The following ATP8A2 variants were observed in gnomAD, a reference collection of about 807,000 sequenced individuals.
The protein encoded by ATP8A2 is phospholipid-transporting ATPase IB.
A neutral mutation model predicts 165.6 loss-of-function variants in ATP8A2; 100 were observed. The ratio of observed to expected loss-of-function variants is 0.60; its 90% CI spans 0.51 to 0.71. The LOEUF (loss-of-function observed/expected upper bound fraction) is 0.71. Ranked by LOEUF, ATP8A2 falls within the 30% of genes least tolerant of loss-of-function variation. The pLI, the probability that ATP8A2 is intolerant of heterozygous loss-of-function variation, is 0.00. For missense variants in ATP8A2, 1,227 were observed against 1,479.5 expected, an observed-to-expected ratio of 0.83 and a Z score of 2.80; for synonymous variants, 543 against 548.8, an observed-to-expected ratio of 0.99 and a Z score of 0.15.
At chr13:25,807,043 T>A (rs1291472524) in intron 27 of ATP8A2, among the ~76,000 whole-genome samples, 1 of 152,170 alleles carries the variant, frequency 6.6e-6, no homozygotes, top group Non-Finnish European at 1.5e-5. Flanking sequence ...ATTGTTGGAC[T>A]ATAAGTGTTC....
chr13:25,699,769 G>A (rs1055785529), intron 25 of ATP8A2, among the ~76,000 whole-genome samples: 2 of 152,022 alleles, frequency 1.3e-5, no homozygotes, highest in Non-Finnish European at 2.9e-5. Context: ...AGCTTTGGTC[G>A]GGTTCATGTG....
rs781712899 is a variant in ATP8A2, at chr13:25,860,258, T to A, written c.3018+2T>A. On this transcript the variant is annotated splice_donor_variant, in intron 31 of 36. Transcript: ENST00000381655. LOFTEE classifies it high-confidence loss of function. ...TTTGTTGGAAATATTGTTTACACAG[T>A]AAGTTTATCTCTGTTTATTAAGCCA... is the stretch of plus-strand genomic sequence containing the variant. 6.2e-7 allele frequency: 1 copy of A among 1,601,754 alleles called. No individual in the cohort carries two copies. Among genetic ancestry groups the A allele is most frequent in the South Asian group, 1.1e-5 (1 of 90,492 alleles).
chr13:25,740,878 G>A (rs964708591), intron 25 of ATP8A2, among the ~76,000 whole-genome samples: 1 of 152,126 alleles, frequency 6.6e-6, no homozygotes, highest in Non-Finnish European at 1.5e-5. Flanking sequence ...GAGACCTTTA[G>A]CGTGTTATCT....
Position 25,502,354 on chromosome 13 carries a change from C to T in ATP8A2, c.222-27645C>T, listed in dbSNP as rs115687543. Reference sequence around the variant, plus strand: ...ATTCAGATAAATCCTCATTGAGCCTCATTATAACCTCATCATCATGTCATT... The same window carrying T: ...ATTCAGATAAATCCTCATTGAGCCTTATTATAACCTCATCATCATGTCATT... On this transcript the variant is annotated intron_variant, in intron 2 of 36. Coordinates refer to ENST00000381655, the MANE Select transcript of ATP8A2 (RefSeq NM_016529.6). 4.7e-3 allele frequency among the ~76,000 whole-genome samples: 710 copies of T among 152,316 alleles called. 6 individuals are homozygous for T. Among genetic ancestry groups the T allele is most frequent in the African/African-American group, 0.016 (684 of 41,568 alleles).
At chr13:25,642,891 G>C (rs971569451) in intron 24 of ATP8A2, among the ~76,000 whole-genome samples, 1 of 152,132 alleles carries the variant, frequency 6.6e-6, no homozygotes, top group Non-Finnish European at 1.5e-5. Context: ...CCATAAAAAA[G>C]GGTGAGTTCA....
chr13:25,638,836 A>T (rs2041438683), intron 24 of ATP8A2, among the ~76,000 whole-genome samples: 1 of 152,126 alleles, frequency 6.6e-6, no homozygotes, highest in Non-Finnish European at 1.5e-5. Context: ...GAAGGAAAAA[A>T]TGTTAAGGGC....
intron 33 of ATP8A2, among the ~76,000 whole-genome samples, chr13:25,918,485 C>A (rs1310794164): frequency 6.6e-6 from 1 of 152,168 alleles, no homozygotes; most frequent in African/African-American, 2.4e-5. Context: ...ATATTAACAT[C>A]CAACAGTGAA....
At chr13:25,405,917 A>G (rs2138039254) in intron 1 of ATP8A2, among the ~76,000 whole-genome samples, 1 of 152,230 alleles carries the variant, frequency 6.6e-6, no homozygotes. Flanking sequence ...TCTCCCACTC[A>G]TGTCTTCTCT....
chr13:25,723,880 T>C (rs777336121), intron 25 of ATP8A2, among the ~76,000 whole-genome samples: 4 of 151,708 alleles, frequency 2.6e-5, no homozygotes, highest in Non-Finnish European at 5.9e-5. Context: ...TAAATCTGGG[T>C]GGAGAGAACA....
Position 25,750,687 on chromosome 13 carries a change from T to C in ATP8A2, c.2385-18359T>C, listed in dbSNP as rs2044135164. Reference sequence around the variant, plus strand: ...GGGCCCTGTCGGCAGGTACCTCATATGTGTAGTTTTGGCATCGAGTTTATA... The same window carrying C: ...GGGCCCTGTCGGCAGGTACCTCATACGTGTAGTTTTGGCATCGAGTTTATA... On this transcript the variant is annotated intron_variant, in intron 25 of 36. Coordinates refer to ENST00000381655, the MANE Select transcript of ATP8A2 (RefSeq NM_016529.6). This position sits in a 1 kb window ranked among gnomAD's most constrained non-coding sequence, Gnocchi z 4.3. Among the ~76,000 whole-genome samples the C allele has an allele frequency of 1.3e-5, 2 of 152,096 alleles. No individual in the cohort carries two copies. Among genetic ancestry groups the C allele is most frequent in the African/African-American group, 4.8e-5 (2 of 41,402 alleles).
At chr13:25,905,004 G>A (rs1383467513) in intron 33 of ATP8A2, among the ~76,000 whole-genome samples, 1 of 152,216 alleles carries the variant, frequency 6.6e-6, no homozygotes, top group Non-Finnish European at 1.5e-5. Flanking sequence ...GCGCATGGCT[G>A]TAAGCATGTG....
intron 25 of ATP8A2, among the ~76,000 whole-genome samples, chr13:25,762,764 T>C (rs1282061013): frequency 2.6e-5 from 4 of 152,338 alleles, no homozygotes; most frequent in South Asian, 4.1e-4. Context: ...AAAGATGTCA[T>C]CTCTGTCCTT....
chr13:25,802,098 T>C (rs1566152883), intron 27 of ATP8A2, among the ~76,000 whole-genome samples: 1 of 152,210 alleles, frequency 6.6e-6, no homozygotes, highest in African/African-American at 2.4e-5. Flanking sequence ...CCATATCACA[T>C]GGTAACCTAC....
rs78104913 is a variant in ATP8A2 at position 26,006,709 on chromosome 13, A to T, written c.3378-5822A>T. ...CCTTATATCTTTAGCATTTTCCACA[A>T]TAAAAATATCATGAAAGAGTACTGA... On this transcript the variant is annotated intron_variant, in intron 35 of 36. Transcript: ENST00000381655. Among the ~76,000 whole-genome samples the T allele has an allele frequency of 9.5e-4, 145 of 152,086 alleles. 2 individuals are homozygous for T. The East Asian group carries it at 0.024, about 25-fold the overall frequency.
intron 33 of ATP8A2, among the ~76,000 whole-genome samples, chr13:25,933,092 TCCAC>T (rs2139077268): frequency 6.6e-6 from 1 of 152,266 alleles, no homozygotes; most frequent in Admixed American, 6.5e-5. Flanking sequence ...AGGTGATCCG[TCCAC>T]CTTGGCCTCC....
intron 24 of ATP8A2, among the ~76,000 whole-genome samples, chr13:25,646,021 T>C (rs74340841): frequency 0.034 from 5,240 of 152,266 alleles, 153 homozygotes; most frequent in East Asian, 0.13. Flanking sequence ...TTGAAGTCCC[T>C]TGCTGTTATT....
intron 24 of ATP8A2, among the ~76,000 whole-genome samples, chr13:25,678,282 G>A (rs923666055): frequency 2.0e-5 from 3 of 152,220 alleles, no homozygotes; most frequent in African/African-American, 4.8e-5. Flanking sequence ...TGTCTCAGGC[G>A]GTAATTTCAG....
intron 33 of ATP8A2, among the ~76,000 whole-genome samples, chr13:25,900,029 A>T (rs1953687531): frequency 6.6e-6 from 1 of 152,158 alleles, no homozygotes; most frequent in African/African-American, 2.4e-5. Context: ...AGAAGCTGTC[A>T]ACTGAAGAAT....
chr13:25,423,937 G>A (rs1024936819), intron 1 of ATP8A2, among the ~76,000 whole-genome samples: 3 of 152,164 alleles, frequency 2.0e-5, no homozygotes, highest in Non-Finnish European at 2.9e-5. Flanking sequence ...GACAGCGTGG[G>A]CAAAGTTTAA....
Sources: gnomAD v4.1 joint callset for allele counts (sites outside exome capture counted in the v4.1 genomes callset) on GRCh38, gnomAD v4.1.1 for gene constraint, Gnocchi (gnomAD v3.1) non-coding constraint, MANE v1.5 for transcripts, NCBI Gene and HGNC (gene_info 2026-07-23, HGNC 2026-07-21) for gene names.